The following MTR variants were observed in gnomAD, a reference collection of about 807,000 sequenced individuals.
MTR encodes the protein 5-methyltetrahydrofolate-homocysteine methyltransferase.
In MTR, 84 loss-of-function variants were observed where a neutral mutation model predicts 154.8. The ratio of observed to expected loss-of-function variants is 0.54; its 90% CI spans 0.45 to 0.65. MTR has a LOEUF of 0.65. Among genes scored for constraint, MTR ranks in the 30% least tolerant of loss-of-function variants. The pLI is 0.00. For synonymous variants in MTR, 554 were observed against 553.9 expected, an observed-to-expected ratio of 1.00 and a Z score of 0.00; for missense variants, 1,275 against 1,570.2, an observed-to-expected ratio of 0.81 and a Z score of 3.18.
chr1:236,822,976 T>C (rs1411312012), intron 8 of MTR, among the ~76,000 whole-genome samples: 1 of 152,204 alleles, frequency 6.6e-6, no homozygotes, highest in Admixed American at 6.5e-5. Flanking sequence ...TTTTTGTAGA[T>C]ACTCTTTATC....
At chr1:236,894,272 G>C in intron 29 of MTR, 85 bp from the exon 30 acceptor site, 1 of 1,311,018 alleles carries the variant, frequency 7.6e-7, no homozygotes, top group East Asian at 2.3e-5. Flanking sequence ...CTCATTTGAC[G>C]ATACCCGATT....
Position 236,898,003 on chromosome 1 carries a change from T to C in MTR, c.*359T>C. ...GAATCTAGGAGGCCACTTAGTCGTCTTTTTTTCCTCTTAGAAGAAAAGCCT... is the reference window on the plus strand; with the variant it reads ...GAATCTAGGAGGCCACTTAGTCGTCCTTTTTTCCTCTTAGAAGAAAAGCCT... On this transcript the variant is annotated 3_prime_UTR_variant, in exon 33 of 33. Transcript: ENST00000366577. 3.9e-6 allele frequency: 1 copy of C among 259,128 alleles called. No individual in the cohort carries two copies. Among genetic ancestry groups the C allele is most frequent in the Non-Finnish European group, 7.4e-6 (1 of 134,590 alleles). The allele number at this position is 259,128 out of a possible 1,614,324, so 16.1% of individuals were successfully genotyped here. A position where few individuals can be genotyped will look rare whatever the true frequency, so the allele number is the denominator to read the frequency against.
At chr1:236,826,707 G>T in intron 10 of MTR, 122 bp from the exon 11 acceptor site, 1 of 777,308 alleles carries the variant, frequency 1.3e-6, no homozygotes, top group South Asian at 1.4e-5. Context: ...AAGTATGTTT[G>T]ACTCTCTTTT....
At position 236,861,185 on chromosome 1, in the gene MTR, C is replaced by T; in HGVS notation, c.2104C>T (p.Pro702Ser). Residue 702 changes from proline to serine, a missense_variant, in exon 20 of 33, where the codon CCC becomes TCC. Coordinates refer to ENST00000366577, the MANE Select transcript of MTR (RefSeq NM_000254.3). ...AGCCAGGTTAAACCAAAAAAAATAT[C>T]CCCGACCTCTCAATATAATTGAAGG... is the stretch of plus-strand genomic sequence containing the variant. ...EEARLNQKKY[P>S]RPLNIIEGPL... The T allele has an allele frequency of 6.3e-7, 1 of 1,588,278 alleles. No individual in the cohort carries two copies. Among genetic ancestry groups the T allele is most frequent in the Non-Finnish European group, 8.6e-7 (1 of 1,166,406 alleles).
In MTR at chr1:236,874,828, G is replaced by A. The variant is rs1665341297; in HGVS notation, c.2576G>A (p.Gly859Glu). ...RLAIRIPLLIGGATTSKTHTA... is the reference protein window; with the variant it reads ...RLAIRIPLLIEGATTSKTHTA... ...GCTATAAGGATTCCATTGTTGATTG[G>A]AGGAGCAACCACTTCAAAGTAAGTT... The change falls in exon 24 of 33, where the codon GGA (glycine) becomes GAA (glutamate). Residue 859 changes from glycine (G) to glutamate (E), a missense_variant. Physicochemically the swap from Gly to Glu is moderately conservative, Grantham distance 98. Transcript: ENST00000366577. 6.2e-7 allele frequency: 1 copy of A among 1,613,704 alleles called. No homozygotes were observed. Among genetic ancestry groups the A allele is most frequent in the South Asian group, 1.1e-5 (1 of 91,080 alleles).
intron 8 of MTR, among the ~76,000 whole-genome samples, chr1:236,823,794 A>ATTT (rs1324332853): frequency 1.3e-4 from 3 of 23,382 alleles, no homozygotes. Flanking sequence ...TTCAGGTCAG[A>ATTT]TCTTTTTTTT....
chr1:236,864,472 G>A (rs982332094), intron 22 of MTR, among the ~76,000 whole-genome samples: 16 of 152,136 alleles, frequency 1.1e-4, no homozygotes, highest in African/African-American at 3.9e-4. Flanking sequence ...GTGTCAGGAA[G>A]GCATTTTTTT....
chr1:236,842,975 A>G (rs1284975663), intron 15 of MTR, among the ~76,000 whole-genome samples: 1 of 151,490 alleles, frequency 6.6e-6, no homozygotes, highest in Admixed American at 6.6e-5. Context: ...AATCCTAGCT[A>G]CTGGGGAGGC....
rs1666810061 is a variant in MTR, at chr1:236,898,974, A to G, written c.*1330A>G. The G allele has an allele frequency of 6.6e-6, 1 of 152,210 alleles. No homozygotes were observed. The highest frequency in any genetic ancestry group is 1.5e-5 in the Non-Finnish European group (1 of 68,042). The allele number at this position is 152,210 out of a possible 1,614,324, so 9.4% of individuals were successfully genotyped here. On this transcript the variant is annotated 3_prime_UTR_variant, in exon 33 of 33. Transcript: ENST00000366577. ...CAAAATATACACTCATCCTACTTCA[A>G]GATGGTGGTGGCAATAGTCAGGAGA...
At chr1:236,853,726 A>G (rs1022044596) in intron 18 of MTR, among the ~76,000 whole-genome samples, 1 of 152,050 alleles carries the variant, frequency 6.6e-6, no homozygotes, top group African/African-American at 2.4e-5. Context: ...TGGTTTGTAT[A>G]CCTGTTTATG....
At chr1:236,838,648 G>C in intron 15 of MTR, 49 bp downstream of exon 15, 1 of 1,606,938 alleles carries the variant, frequency 6.2e-7, no homozygotes, top group South Asian at 1.1e-5. Context: ...AGGTTAGATA[G>C]TGGTGGGAGA....
Position 236,885,142 on chromosome 1 carries a change from A to G in MTR, c.2698A>G (p.Asn900Asp). The change falls in exon 26 of 33, where the codon AAT (asparagine) becomes GAT (aspartate). Residue 900 changes from asparagine (N) to aspartate (D), a missense_variant. Physicochemically the swap from Asn to Asp is conservative, Grantham distance 23. Coordinates refer to ENST00000366577, the MANE Select transcript of MTR (RefSeq NM_000254.3). ...VVVCSQLLDE[N>D]LKDEYFEEIM... ...TCAGTGTTCCCAGCTGTTAGATGAA[A>G]ATCTAAAGGATGAATACTTTGAGGA... is the stretch of plus-strand genomic sequence containing the variant. 6.2e-7 allele frequency: 1 copy of G among 1,607,574 alleles called. No homozygotes were observed. The highest frequency in any genetic ancestry group is 8.5e-7 in the Non-Finnish European group (1 of 1,174,090).
chr1:236,883,562 G>A (rs1442818375), intron 25 of MTR, among the ~76,000 whole-genome samples: 3 of 152,162 alleles, frequency 2.0e-5, no homozygotes, highest in Non-Finnish European at 4.4e-5. Context: ...TACACTTCAG[G>A]GAGTTCAGAG....
chr1:236,879,462 GA>G (rs1454283081), intron 24 of MTR, among the ~76,000 whole-genome samples: 5 of 152,172 alleles, frequency 3.3e-5, no homozygotes, highest in Non-Finnish European at 5.9e-5. Flanking sequence ...GGAAGAATAT[GA>G]AAGCACTTGA....
At chr1:236,809,339 C>T (rs1381489391) in intron 4 of MTR, among the ~76,000 whole-genome samples, 2 of 152,214 alleles carry the variant, frequency 1.3e-5, no homozygotes, top group South Asian at 2.1e-4. Flanking sequence ...AATAACTAGC[C>T]TCCTGGCTGG....
rs375009383 is a variant in MTR, at chr1:236,824,163, T to C, written c.809T>C (p.Phe270Ser). Residue 270 changes from phenylalanine to serine, a missense_variant, in exon 9 of 33, where the codon TTT (phenylalanine) becomes TCT (serine). Transcript: ENST00000366577. ...TTGGGTGCAGCTGAAATGAGACCTT[T>C]TATTGAAATAATTGGAAAATGTACA... is the stretch of plus-strand genomic sequence containing the variant. The part of the protein sequence containing the change: ...CALGAAEMRP[F>S]IEIIGKCTTA... 2 of 1,614,020 alleles carry C rather than the reference T, an allele frequency of 1.2e-6. No individual in the cohort carries two copies. Among genetic ancestry groups the C allele is most frequent in the African/African-American group, 1.3e-5 (1 of 74,906 alleles).
chr1:236,848,839 G>T (rs1486563313), intron 15 of MTR, among the ~76,000 whole-genome samples: 1 of 152,192 alleles, frequency 6.6e-6, no homozygotes, highest in Non-Finnish European at 1.5e-5. Flanking sequence ...GTGATCAAAA[G>T]GCTAGATCTA....
chr1:236,842,065 G>A (rs1663279402), intron 15 of MTR, among the ~76,000 whole-genome samples: 1 of 152,058 alleles, frequency 6.6e-6, no homozygotes, highest in African/African-American at 2.4e-5. Flanking sequence ...CTAATTTTTT[G>A]TATTTTTAGT....
chr1:236,849,342 G>A (rs1466498802), intron 15 of MTR, among the ~76,000 whole-genome samples: 5 of 152,072 alleles, frequency 3.3e-5, no homozygotes, highest in Non-Finnish European at 5.9e-5. Context: ...ATAAAACAAC[G>A]AAAAATACTA....
Sources: gnomAD v4.1 joint callset for allele counts (sites outside exome capture counted in the v4.1 genomes callset) on GRCh38, gnomAD v4.1.1 for gene constraint, MANE v1.5 for transcripts, NCBI Gene and HGNC (gene_info 2026-07-23, HGNC 2026-07-21) for gene names.